The following RBFOX1 variants were observed in gnomAD, a reference collection of about 807,000 sequenced individuals.
The protein encoded by RBFOX1 is RNA binding fox-1 homolog 1, also known as RNA binding protein fox-1 homolog 1.
RBFOX1 carries 8 observed loss-of-function variants against 57.7 expected under a neutral mutation model. That is an observed-to-expected ratio of 0.14 (90% confidence interval 0.08 to 0.25). RBFOX1 has a LOEUF of 0.25. RBFOX1 is among the 10% of genes least tolerant of loss of function. The pLI is 1.00. For missense variants in RBFOX1, 611 were observed against 548.5 expected (o/e 1.11, Z -1.14); for synonymous variants, 326 against 222.4 (o/e 1.47, Z -4.15).
chr16:6,179,849 C>G (rs187913809), intron 1 of RBFOX1, among the ~76,000 whole-genome samples: 76 of 152,234 alleles, frequency 5.0e-4, no homozygotes, highest in African/African-American at 1.8e-3. Flanking sequence ...TAGTGTGATA[C>G]CAGCTGTAGT....
At chr16:7,484,281 A>T (rs1269596960) in intron 4 of RBFOX1, among the ~76,000 whole-genome samples, 1 of 152,232 alleles carries the variant, frequency 6.6e-6, no homozygotes, top group East Asian at 1.9e-4. Context: ...GCTATTAAGA[A>T]TGCTGTGGAA....
At chr16:6,752,599 A>G (rs2075124216) in intron 3 of RBFOX1, among the ~76,000 whole-genome samples, 1 of 152,196 alleles carries the variant, frequency 6.6e-6, no homozygotes, top group African/African-American at 2.4e-5. Context: ...AACTTCTTTA[A>G]GCTTTTTATT....
At chr16:6,727,805 T>G (rs532422277) in intron 3 of RBFOX1, among the ~76,000 whole-genome samples, 1 of 152,304 alleles carries the variant, frequency 6.6e-6, no homozygotes, top group African/African-American at 2.4e-5. Context: ...AGGTCTTTAA[T>G]GTTTTCCAGG....
chr16:6,660,649 T>G (rs535901699), intron 3 of RBFOX1, among the ~76,000 whole-genome samples: 1 of 152,268 alleles, frequency 6.6e-6, no homozygotes, highest in East Asian at 1.9e-4. Flanking sequence ...TATCTTTAAA[T>G]TGGGAGTGAT....
intron 4 of RBFOX1, among the ~76,000 whole-genome samples, chr16:7,179,266 C>T: frequency 6.6e-6 from 1 of 150,982 alleles, no homozygotes; most frequent in East Asian, 1.9e-4. Flanking sequence ...GTTATCCTTG[C>T]TTTCAGAGTT....
At chr16:5,286,424 G>A (rs1409685932) in intron 1 of RBFOX1, among the ~76,000 whole-genome samples, 2 of 152,206 alleles carry the variant, frequency 1.3e-5, no homozygotes, top group Admixed American at 6.5e-5. Flanking sequence ...GTAAGTGTGA[G>A]CACTAGCTCT....
intron 3 of RBFOX1, among the ~76,000 whole-genome samples, chr16:5,646,671 G>T (rs1327133551): frequency 1.3e-5 from 2 of 152,052 alleles, no homozygotes; most frequent in East Asian, 3.9e-4. Context: ...GTCTCGCTTT[G>T]TCACCCAGGC....
chr16:7,220,565 C>G (rs1210175854), intron 4 of RBFOX1, among the ~76,000 whole-genome samples: 1 of 152,128 alleles, frequency 6.6e-6, no homozygotes, highest in African/African-American at 2.4e-5. Flanking sequence ...TCAGGTGTGG[C>G]TCTTGGAAAC....
chr16:7,426,737 A>G (rs1008877643), intron 4 of RBFOX1, among the ~76,000 whole-genome samples: 2 of 152,122 alleles, frequency 1.3e-5, no homozygotes, highest in African/African-American at 4.8e-5. Flanking sequence ...ACAGCAGTGG[A>G]TCTTGGGTTA....
intron 1 of RBFOX1, among the ~76,000 whole-genome samples, chr16:5,259,096 T>C (rs2062663639): frequency 6.6e-6 from 1 of 152,110 alleles, no homozygotes; most frequent in East Asian, 1.9e-4. Flanking sequence ...GAATGAATCC[T>C]TGCAGGTTAT....
intron 4 of RBFOX1, among the ~76,000 whole-genome samples, chr16:7,166,514 A>T (rs2079538598): frequency 6.6e-6 from 1 of 152,136 alleles, no homozygotes; most frequent in Non-Finnish European, 1.5e-5. Context: ...GAGAAGAAGG[A>T]ACAGGATGGC....
intron 3 of RBFOX1, among the ~76,000 whole-genome samples, chr16:6,901,454 C>T (rs756165868): frequency 6.6e-6 from 1 of 152,112 alleles, no homozygotes; most frequent in Non-Finnish European, 1.5e-5. Flanking sequence ...GGGTGCCTGG[C>T]CTATGTCTGC....
intron 3 of RBFOX1, among the ~76,000 whole-genome samples, chr16:5,854,244 T>G (rs2056969979): frequency 1.3e-5 from 2 of 152,204 alleles, no homozygotes; most frequent in Non-Finnish European, 2.9e-5. Flanking sequence ...ACAGTATTGT[T>G]CATTGTCATC....
intron 1 of RBFOX1, among the ~76,000 whole-genome samples, chr16:5,442,185 A>G (rs907816578): frequency 6.6e-6 from 1 of 152,214 alleles, no homozygotes; most frequent in Admixed American, 6.5e-5. Flanking sequence ...TGAGACTGGA[A>G]AGTAGAAGAT....
At chr16:7,329,181 T>A (rs2096651759) in intron 4 of RBFOX1, among the ~76,000 whole-genome samples, 1 of 152,180 alleles carries the variant, frequency 6.6e-6, no homozygotes, top group Non-Finnish European at 1.5e-5. Context: ...AGAAAAACAT[T>A]TACCATTCCC....
intron 1 of RBFOX1, among the ~76,000 whole-genome samples, chr16:5,258,889 C>G (rs987909649): frequency 2.0e-5 from 3 of 151,928 alleles, no homozygotes; most frequent in Non-Finnish European, 4.4e-5. Flanking sequence ...GCACACCAGC[C>G]TGGGTGGCAA....
At chr16:7,379,190 G>T (rs2097741252) in intron 4 of RBFOX1, among the ~76,000 whole-genome samples, 1 of 152,100 alleles carries the variant, frequency 6.6e-6, no homozygotes, top group Admixed American at 6.5e-5. Flanking sequence ...TAAGGGGAGT[G>T]TTTGGAAGAG....
At position 7,644,039 on chromosome 16, in the gene RBFOX1, A is replaced by G. The variant is rs138742047; in HGVS notation, c.758-9776A>G. Among the ~76,000 whole-genome samples, 352 of 152,306 alleles carry G rather than the reference A, an allele frequency of 2.3e-3. 3 individuals are homozygous for G. The highest frequency in any genetic ancestry group is 3.7e-3 in the Non-Finnish European group (251 of 68,018). ...GATGATGTAGCAGCTTGTACAGGCAATAGGAGGGAATCCAAACTGAGAGTC... is the reference window on the plus strand; with the variant it reads ...GATGATGTAGCAGCTTGTACAGGCAGTAGGAGGGAATCCAAACTGAGAGTC... On this transcript the variant is annotated intron_variant, in intron 11 of 15. Coordinates refer to ENST00000550418, the MANE Select transcript of RBFOX1 (RefSeq NM_018723.4).
At chr16:6,937,677 C>A (rs944401800) in intron 3 of RBFOX1, among the ~76,000 whole-genome samples, 8 of 151,996 alleles carry the variant, frequency 5.3e-5, no homozygotes, top group African/African-American at 1.7e-4. Context: ...TGGGCTTCCA[C>A]GTTATTGGCA....
Sources: gnomAD v4.1 joint callset for allele counts (sites outside exome capture counted in the v4.1 genomes callset) on GRCh38, gnomAD v4.1.1 for gene constraint, MANE v1.5 for transcripts, NCBI Gene and HGNC (gene_info 2026-07-23, HGNC 2026-07-21) for gene names.